TBX10: variants seen among roughly 807,000 people sequenced by gnomAD.
TBX10 encodes T-box transcription factor TBX10.
A neutral mutation model predicts 32.4 loss-of-function variants in TBX10; 26 were observed. The observed-to-expected ratio is 0.80, with a 90% CI of 0.59 to 1.11. The LOEUF is 1.11. TBX10 is among the 50% of genes most tolerant of loss of function. TBX10 has a pLI of 0.00. For missense variants in TBX10, 490 were observed against 494.5 expected, an observed-to-expected ratio of 0.99 and a Z score of 0.09; for synonymous variants, 195 against 203.1, an observed-to-expected ratio of 0.96 and a Z score of 0.34.
chr11:67,639,176 A>C (rs1329349625), intron 1 of TBX10, among the ~76,000 whole-genome samples: 2 of 152,136 alleles, frequency 1.3e-5, no homozygotes, highest in Non-Finnish European at 2.9e-5. Context: ...GTCCAGCCCC[A>C]ACTTTGATGC....
At chr11:67,641,127 T>A (rs919115349), upstream of TBX10, among the ~76,000 whole-genome samples, 1 of 150,708 alleles carries the variant, frequency 6.6e-6, no homozygotes, top group Non-Finnish European at 1.5e-5. Flanking sequence ...GGGTGGGAAG[T>A]GGGGAGATGA....
At chr11:67,637,702 TGTGG>T (rs1251040081) in intron 1 of TBX10, among the ~76,000 whole-genome samples, 1 of 152,140 alleles carries the variant, frequency 6.6e-6, no homozygotes, top group Non-Finnish European at 1.5e-5. Flanking sequence ...TAGGCTAAAT[TGTGG>T]GAGCTAAGAA....
Position 67,631,591 on chromosome 11 carries a change from C to T in TBX10, c.*14G>A, listed in dbSNP as rs773597039. 1.3e-6 allele frequency: 2 copies of T among 1,586,818 alleles called. No homozygotes were observed. Among genetic ancestry groups the T allele is most frequent in the East Asian group, 2.3e-5 (1 of 44,320 alleles). ...GGTCCAGGGTAGCAGGGCTTCCCCCCAGGGCTTCTGGCATCACTGGGAGTC... is the reference window on the plus strand; with the variant it reads ...GGTCCAGGGTAGCAGGGCTTCCCCCTAGGGCTTCTGGCATCACTGGGAGTC... On this transcript the variant is annotated 3_prime_UTR_variant, in exon 8 of 8. Coordinates refer to ENST00000335385, the MANE Select transcript of TBX10 (RefSeq NM_005995.5).
In TBX10 at chr11:67,639,169, C is replaced by T. The variant is rs373389940; in HGVS notation, c.7+297G>A. Reference sequence around the variant, plus strand: ...GAAGGGAAGCTAAGGGCTTCTTGTCCAGCCCCAACTTTGATGCTCAAGGAG... The same window carrying T: ...GAAGGGAAGCTAAGGGCTTCTTGTCTAGCCCCAACTTTGATGCTCAAGGAG... On this transcript the variant is annotated intron_variant, in intron 1 of 7. Coordinates refer to ENST00000335385, the MANE Select transcript of TBX10 (RefSeq NM_005995.5). Among the ~76,000 whole-genome samples the T allele has an allele frequency of 5.3e-5, 8 of 152,336 alleles. No individual in the cohort carries two copies. The East Asian group carries it at 9.6e-4, about 18-fold the overall frequency.
At chr11:67,640,667 G>T (rs754289203), upstream of TBX10, among the ~76,000 whole-genome samples, 1 of 152,204 alleles carries the variant, frequency 6.6e-6, no homozygotes, top group Non-Finnish European at 1.5e-5. Flanking sequence ...TTTGACTCTT[G>T]CTGAATGGCA....
chr11:67,634,769 T>G (rs764429843), intron 3 of TBX10, 47 bp downstream of exon 3: 5 of 1,588,080 alleles, frequency 3.1e-6, no homozygotes, highest in Non-Finnish European at 4.3e-6. Flanking sequence ...TAATTCCTGG[T>G]CTCAGCACCT....
In TBX10 at chr11:67,635,179, A is replaced by G; in HGVS notation, c.92T>C (p.Leu31Pro). The G allele has an allele frequency of 6.2e-7, 1 of 1,613,850 alleles. No homozygotes were observed. The highest frequency in any genetic ancestry group is 8.5e-7 in the Non-Finnish European group (1 of 1,180,020). Residue 31 changes from leucine (L) to proline (P), a missense_variant, in exon 2 of 8, where the codon CTG (leucine) becomes CCG (proline). Coordinates refer to ENST00000335385, the MANE Select transcript of TBX10 (RefSeq NM_005995.5). The part of the protein sequence containing the change: ...PTTSSGWEPR[L>P]GSPFPSGPCT... Reference sequence around the variant, plus strand: ...AGGGCCTGATGGGAATGGTGACCCCAGCCGGGGCTCCCAGCCAGAGCTGGT... The same window carrying G: ...AGGGCCTGATGGGAATGGTGACCCCGGCCGGGGCTCCCAGCCAGAGCTGGT...
At chr11:67,640,753 C>A (rs1265506185), upstream of TBX10, among the ~76,000 whole-genome samples, 1 of 152,164 alleles carries the variant, frequency 6.6e-6, no homozygotes, top group Non-Finnish European at 1.5e-5. Flanking sequence ...TTGGCAGTGG[C>A]CTTGATTCCT....
intron 7 of TBX10, 91 bp from the exon 8 acceptor site, chr11:67,631,985 C>G: frequency 6.6e-7 from 1 of 1,505,540 alleles, no homozygotes; most frequent in Non-Finnish European, 9.0e-7. Flanking sequence ...CTCCTCCTTC[C>G]CAAGTTACCT....
upstream of TBX10, among the ~76,000 whole-genome samples, chr11:67,641,174 C>T (rs1040327099): frequency 5.3e-5 from 8 of 151,790 alleles, no homozygotes; most frequent in Non-Finnish European, 1.2e-4. Flanking sequence ...GTACTGGTGG[C>T]TCCCCTTCAC....
At chr11:67,635,318 C>T (rs753516138) in intron 1 of TBX10, 55 bp from the exon 2 acceptor site, 12 of 1,609,432 alleles carry the variant, frequency 7.5e-6, no homozygotes, top group African/African-American at 2.7e-5. Context: ...CAGCTCTTAT[C>T]CTTCAGGCTG....
In TBX10 at chr11:67,631,806, C is replaced by T. The variant is rs201107050; in HGVS notation, c.957G>A (p.Pro319=). The change falls in exon 8 of 8, where the codon CCG becomes CCA. Residue 319 remains proline (P), a synonymous_variant. Transcript: ENST00000335385. The part of the protein sequence containing the change: ...LLPPPEVLLA[P]ATYRPVTYQS... Reference sequence around the variant, plus strand: ...GATACGTGACAGGCCTGTAGGTGGCCGGGGCCAGCAGGACCTCAGGTGGGG... The same window carrying T: ...GATACGTGACAGGCCTGTAGGTGGCTGGGGCCAGCAGGACCTCAGGTGGGG... 2.7e-5 allele frequency: 43 copies of T among 1,590,932 alleles called. No individual in the cohort carries two copies. Among genetic ancestry groups the T allele is most frequent in the Middle Eastern group, 1.7e-4 (1 of 5,988 alleles).
chr11:67,640,816 C>A (rs1367806131), upstream of TBX10, among the ~76,000 whole-genome samples: 1 of 152,106 alleles, frequency 6.6e-6, no homozygotes, highest in African/African-American at 2.4e-5. Flanking sequence ...TCCCTGAGCG[C>A]TATGTTCTGG....
chr11:67,639,440 C>CA (rs777234461), intron 1 of TBX10, 26 bp downstream of exon 1: 1 of 1,433,388 alleles, frequency 7.0e-7, no homozygotes, highest in East Asian at 3.2e-5. Flanking sequence ...CCCATGAGGC[C>CA]ACCTCTGCTT....
intron 4 of TBX10, 39 bp from the exon 5 acceptor site, chr11:67,633,142 G>T: frequency 6.3e-7 from 1 of 1,597,756 alleles, no homozygotes. Context: ...GGGTGAGGCG[G>T]AGTACAGCGG....
intron 1 of TBX10, among the ~76,000 whole-genome samples, chr11:67,635,851 G>A (rs570881867): frequency 2.6e-4 from 40 of 152,082 alleles, no homozygotes; most frequent in Non-Finnish European, 5.3e-4. Flanking sequence ...CCATCCTACC[G>A]TCTTTTTCTC....
upstream of TBX10, among the ~76,000 whole-genome samples, chr11:67,641,426 C>T (rs1025938769): frequency 1.3e-5 from 2 of 152,228 alleles, no homozygotes; most frequent in Admixed American, 1.3e-4. Flanking sequence ...CGCACAGACA[C>T]AGGCAGGCCT....
chr11:67,641,751 G>A (rs1565236462), upstream of TBX10, among the ~76,000 whole-genome samples: 1 of 152,222 alleles, frequency 6.6e-6, no homozygotes, highest in African/African-American at 2.4e-5. Context: ...CAGCCAGGTC[G>A]CATATAGCCC....
rs748984001 is a variant in TBX10 at position 67,634,355 on chromosome 11, G to C, written c.383C>G (p.Ala128Gly). 6.2e-7 allele frequency: 1 copy of C among 1,602,672 alleles called. No homozygotes were observed. The highest frequency in any genetic ancestry group is 1.1e-5 in the South Asian group (1 of 91,090). ...CACCAGCCAGGCCGAGCTGTGGAAG[G>C]CATACCTGGGGAGCACAGCGAGGTG... is the stretch of plus-strand genomic sequence containing the variant. ...IPLDDKRYRYAFHSSAWLVAG... is the reference protein window; with the variant it reads ...IPLDDKRYRYGFHSSAWLVAG... The change falls in exon 4 of 8, where the codon GCC becomes GGC. Residue 128 changes from alanine to glycine, a missense_variant. Ala to Gly is a moderately conservative substitution (Grantham distance 60, BLOSUM62 0). Around this residue, in one of 3 missense-constraint regions of TBX10, gnomAD observed 307 missense variants for 294.9 expected, o/e 1.04. Transcript: ENST00000335385.
Sources: allele counts gnomAD v4.1 joint callset (sites outside exome capture counted in the v4.1 genomes callset), GRCh38; gene constraint gnomAD v4.1.1; regional missense constraint gnomAD v4.1.1; transcripts MANE v1.5; gene names NCBI Gene and HGNC (gene_info 2026-07-23, HGNC 2026-07-21).